Variants in TSPAN18 observed in about 807,000 individuals in gnomAD.
TSPAN18 encodes tetraspanin-18.
In TSPAN18, 14 loss-of-function variants were observed where a neutral mutation model predicts 27.3. The ratio of observed to expected loss-of-function variants is 0.51; its 90% CI spans 0.34 to 0.80. The LOEUF is 0.80. TSPAN18 is among the 30% of genes least tolerant of loss of function. The pLI, the probability that TSPAN18 is intolerant of heterozygous loss-of-function variation, is 0.01. For synonymous variants in TSPAN18, 143 were observed against 136.5 expected, an observed-to-expected ratio of 1.05 and a Z score of -0.33; for missense variants, 268 against 323.9, an observed-to-expected ratio of 0.83 and a Z score of 1.32.
chr11:44,924,423 C>T lies in TSPAN18; in HGVS notation c.616-2251C>T, dbSNP rs187851495. On this transcript the variant is annotated intron_variant, in intron 8 of 9. Coordinates refer to ENST00000520358, the MANE Select transcript of TSPAN18 (RefSeq NM_130783.5). The stretch of plus-strand genomic sequence containing the variant: ...AGGTCGCACAGCAAGCCAGTGGCAG[C>T]GCTGGCTGGGACCCTAGGCAACCAG... Among the ~76,000 whole-genome samples, 449 of 152,288 alleles carry T rather than the reference C, an allele frequency of 2.9e-3. 2 individuals carry two copies. Among genetic ancestry groups the T allele is most frequent in the African/African-American group, 9.8e-3 (407 of 41,562 alleles).
chr11:44,743,810 A>G (rs1855006850), intron 1 of TSPAN18, among the ~76,000 whole-genome samples: 1 of 152,214 alleles, frequency 6.6e-6, no homozygotes, highest in Non-Finnish European at 1.5e-5. Context: ...CCATAGAAGG[A>G]AAAGACTTCA....
chr11:44,832,119 G>A (rs1857166696), intron 2 of TSPAN18, among the ~76,000 whole-genome samples: 1 of 152,170 alleles, frequency 6.6e-6, no homozygotes, highest in Non-Finnish European at 1.5e-5. Context: ...GTGACCTTCA[G>A]TTCCCTACCT....
At chr11:44,746,776 G>A (rs1043601834) in intron 1 of TSPAN18, among the ~76,000 whole-genome samples, 2 of 152,118 alleles carry the variant, frequency 1.3e-5, no homozygotes, top group Non-Finnish European at 2.9e-5. Context: ...TTATTTTGGG[G>A]TTAGGACAAG....
At chr11:44,813,450 A>G (rs1384424140) in intron 2 of TSPAN18, among the ~76,000 whole-genome samples, 2 of 152,180 alleles carry the variant, frequency 1.3e-5, no homozygotes, top group East Asian at 1.9e-4. Context: ...GCACAGTTCA[A>G]GTGCTCAGCA....
intron 1 of TSPAN18, among the ~76,000 whole-genome samples, chr11:44,751,742 C>T (rs565760007): frequency 6.1e-4 from 93 of 152,090 alleles, no homozygotes; most frequent in African/African-American, 1.5e-3. Flanking sequence ...GCCTGGCCAA[C>T]GTGGTAAAGC....
intron 2 of TSPAN18, among the ~76,000 whole-genome samples, chr11:44,825,307 C>T (rs1433247202): frequency 6.6e-6 from 1 of 152,250 alleles, no homozygotes; most frequent in African/African-American, 2.4e-5. Context: ...CACCTCAGCG[C>T]AGCCAAGAAC....
intron 3 of TSPAN18, chr11:44,897,844 T>C: frequency 5.4e-6 from 7 of 1,289,380 alleles, no homozygotes; most frequent in Non-Finnish European, 7.1e-6. Flanking sequence ...ACATTGGCAA[T>C]AGCCTCTCCC....
intron 1 of TSPAN18, among the ~76,000 whole-genome samples, chr11:44,759,949 T>G (rs1324986828): frequency 6.6e-6 from 1 of 152,178 alleles, no homozygotes; most frequent in Non-Finnish European, 1.5e-5. Context: ...AAGAAGGTTT[T>G]GAAGGATGAT....
At chr11:44,897,894 A>G in intron 3 of TSPAN18, 2 of 1,279,446 alleles carry the variant, frequency 1.6e-6, no homozygotes, top group Non-Finnish European at 2.0e-6. Context: ...ACACGGTCCC[A>G]TCTCCACTCT....
At chr11:44,845,221 ACAAGT>A (rs1220234288) in intron 2 of TSPAN18, among the ~76,000 whole-genome samples, 4 of 152,234 alleles carry the variant, frequency 2.6e-5, no homozygotes, top group African/African-American at 9.6e-5. Flanking sequence ...AGTAAGACAT[ACAAGT>A]CAACATTCAA....
chr11:44,903,585 C>A, intron 3 of TSPAN18: 1 of 456,430 alleles, frequency 2.2e-6, no homozygotes, highest in East Asian at 7.0e-5. Context: ...CAGTCCCAGC[C>A]CAGAGGCTGC....
At chr11:44,854,243 A>G (rs1202518208) in intron 2 of TSPAN18, among the ~76,000 whole-genome samples, 1 of 149,662 alleles carries the variant, frequency 6.7e-6, no homozygotes, top group East Asian at 2.0e-4. Flanking sequence ...TGTGTTTGAC[A>G]GAGCCTGGCT....
chr11:44,732,868 CA>C (rs1354580717), intron 1 of TSPAN18, among the ~76,000 whole-genome samples: 1 of 152,162 alleles, frequency 6.6e-6, no homozygotes, highest in African/African-American at 2.4e-5. Flanking sequence ...AGTGGCTTAA[CA>C]AAATGATTAA....
At chr11:44,901,635 A>G (rs1859266408) in intron 3 of TSPAN18, among the ~76,000 whole-genome samples, 1 of 152,240 alleles carries the variant, frequency 6.6e-6, no homozygotes, top group African/African-American at 2.4e-5. Context: ...CAGAGACAGA[A>G]AGTGATTTGC....
intron 1 of TSPAN18, among the ~76,000 whole-genome samples, chr11:44,761,282 C>G (rs563727417): frequency 4.6e-5 from 7 of 152,204 alleles, no homozygotes; most frequent in Non-Finnish European, 1.0e-4. Flanking sequence ...CACTCTGCCA[C>G]TTGCACCCAG....
At chr11:44,866,618 A>G (rs751410313) in intron 3 of TSPAN18, among the ~76,000 whole-genome samples, 5 of 152,078 alleles carry the variant, frequency 3.3e-5, no homozygotes, top group Non-Finnish European at 7.4e-5. Flanking sequence ...AAGCCTGATC[A>G]CCTCTTGGAA....
At chr11:44,804,203 A>G (rs1019686973) in intron 2 of TSPAN18, among the ~76,000 whole-genome samples, 8 of 152,104 alleles carry the variant, frequency 5.3e-5, no homozygotes, top group Non-Finnish European at 8.8e-5. Flanking sequence ...TCCCGGGTTC[A>G]AGCGATTCTC....
chr11:44,879,405 G>A (rs1381475312), intron 3 of TSPAN18, among the ~76,000 whole-genome samples: 1 of 152,174 alleles, frequency 6.6e-6, no homozygotes, highest in Non-Finnish European at 1.5e-5. Context: ...AGAAAACATT[G>A]CTGGAGATCC....
At chr11:44,763,908 TA>T (rs1448496430) in intron 1 of TSPAN18, among the ~76,000 whole-genome samples, 1 of 151,876 alleles carries the variant, frequency 6.6e-6, no homozygotes, top group Non-Finnish European at 1.5e-5. Flanking sequence ...AATTTATATA[TA>T]AAAAAAGATT....
Sources: allele counts gnomAD v4.1 joint callset (sites outside exome capture counted in the v4.1 genomes callset), GRCh38; gene constraint gnomAD v4.1.1; transcripts MANE v1.5; gene names NCBI Gene and HGNC (gene_info 2026-07-23, HGNC 2026-07-21).